The following DSG2 variants were observed in gnomAD, a reference collection of about 807,000 sequenced individuals.
DSG2 encodes the protein desmoglein-2.
In DSG2, 45 loss-of-function variants were observed where a neutral mutation model predicts 75.6. The observed-to-expected ratio is 0.60, with a 90% confidence interval of 0.47 to 0.76. DSG2 has a LOEUF of 0.76. DSG2 is among the 30% of genes least tolerant of loss of function. The probability of loss-of-function intolerance (pLI) is 0.00; values close to 1 mark genes in which losing one functional copy is unlikely to be tolerated. For missense variants in DSG2, 1,267 were observed against 1,357.4 expected (o/e 0.93, Z 1.05); for synonymous variants, 429 against 483.9 (o/e 0.89, Z 1.49).
At chr18:31,544,417 G>A (rs185262789) in intron 14 of DSG2, among the ~76,000 whole-genome samples, 1 of 152,152 alleles carries the variant, frequency 6.6e-6, no homozygotes. Flanking sequence ...AATTTGTGGG[G>A]TACTACTAAA....
At chr18:31,525,768 T>C (rs2073159427) in intron 8 of DSG2, among the ~76,000 whole-genome samples, 1 of 152,158 alleles carries the variant, frequency 6.6e-6, no homozygotes, top group Admixed American at 6.5e-5. Flanking sequence ...GGAAATACAG[T>C]ATACTAAGTT....
chr18:31,525,134 C>T (rs2073156046), intron 8 of DSG2, among the ~76,000 whole-genome samples: 1 of 152,192 alleles, frequency 6.6e-6, no homozygotes, highest in African/African-American at 2.4e-5. Flanking sequence ...ATCATTACTG[C>T]TTAGCTCATT....
chr18:31,538,843 G>A lies in DSG2; in HGVS notation c.1744G>A (p.Glu582Lys), dbSNP rs745614134. The A allele has an allele frequency of 3.1e-6, 5 of 1,614,098 alleles. No homozygotes were observed. The Admixed American group carries it at 8.3e-5, about 27-fold the overall frequency. Residue 582 changes from glutamate (E) to lysine (K), a missense_variant, in exon 12 of 15, where the codon GAA becomes AAA. Coordinates refer to ENST00000261590, the MANE Select transcript of DSG2 (RefSeq NM_001943.5). ...ISDNQGFSCP[E>K]KQVLTLTVCE... ...AGACAATCAGGGTTTTAGTTGTCCT[G>A]AAAAGCAGGTCCTTACACTCACAGT...
At chr18:31,503,115 A>C (rs1469305723) in intron 1 of DSG2, among the ~76,000 whole-genome samples, 1 of 152,206 alleles carries the variant, frequency 6.6e-6, no homozygotes, top group African/African-American at 2.4e-5. Flanking sequence ...ACCCCTATTT[A>C]GTGAATCCCT....
At chr18:31,537,347 C>T (rs1243293496) in intron 11 of DSG2, among the ~76,000 whole-genome samples, 2 of 152,168 alleles carry the variant, frequency 1.3e-5, no homozygotes, top group South Asian at 2.1e-4. Flanking sequence ...CAGCCAGGTG[C>T]GGTGGCTCAC....
At chr18:31,519,596 C>T (rs1436405188) in intron 2 of DSG2, among the ~76,000 whole-genome samples, 1 of 152,058 alleles carries the variant, frequency 6.6e-6, no homozygotes, top group African/African-American at 2.4e-5. Flanking sequence ...AAACCCTACA[C>T]TTTTACTAGC....
chr18:31,503,481 T>C (rs922887009), intron 1 of DSG2, among the ~76,000 whole-genome samples: 1 of 152,032 alleles, frequency 6.6e-6, no homozygotes, highest in African/African-American at 2.4e-5. Flanking sequence ...ACTTAGAAAG[T>C]GAGGCAGAAG....
intron 1 of DSG2, among the ~76,000 whole-genome samples, chr18:31,501,626 A>G (rs1011992072): frequency 6.6e-6 from 1 of 152,084 alleles, no homozygotes; most frequent in Non-Finnish European, 1.5e-5. Flanking sequence ...CCAATCCTCC[A>G]TCTGCGCATG....
intron 8 of DSG2, among the ~76,000 whole-genome samples, chr18:31,528,344 A>G (rs187535430): frequency 1.7e-3 from 260 of 152,372 alleles, no homozygotes; most frequent in Admixed American, 3.9e-3. Flanking sequence ...GTGTATTCAT[A>G]TGATGGAATA....
intron 1 of DSG2, among the ~76,000 whole-genome samples, chr18:31,507,345 G>A (rs2073044246): frequency 6.6e-6 from 1 of 152,104 alleles, no homozygotes. Context: ...CATTTGGGTT[G>A]GTTCCAAGTT....
chr18:31,512,180 C>G (rs1395293205), intron 1 of DSG2, among the ~76,000 whole-genome samples: 2 of 152,096 alleles, frequency 1.3e-5, no homozygotes, highest in African/African-American at 4.8e-5. Context: ...ACCCCTCCCT[C>G]AACACCACCC....
chr18:31,542,890 G>T, intron 14 of DSG2, 38 bp downstream of exon 14: 5 of 1,024,658 alleles, frequency 4.9e-6, no homozygotes, highest in East Asian at 3.7e-5. Context: ...TGGGGGGTGG[G>T]GGGAACATTT....
chr18:31,533,241 G>C (rs1161763628), intron 9 of DSG2, among the ~76,000 whole-genome samples: 1 of 152,176 alleles, frequency 6.6e-6, no homozygotes, highest in African/African-American at 2.4e-5. Flanking sequence ...ATCCGAGGCA[G>C]GAGGATCACT....
At chr18:31,512,910 C>T (rs2073074850) in intron 1 of DSG2, among the ~76,000 whole-genome samples, 1 of 152,172 alleles carries the variant, frequency 6.6e-6, no homozygotes, top group African/African-American at 2.4e-5. Context: ...ACATATCCTA[C>T]AAGCTCAGGA....
chr18:31,538,747 G>A lies in DSG2; in HGVS notation c.1652-4G>A. 2.5e-6 allele frequency: 4 copies of A among 1,613,654 alleles called. No individual in the cohort carries two copies. Among genetic ancestry groups the A allele is most frequent in the Non-Finnish European group, 3.4e-6 (4 of 1,179,536 alleles). On this transcript the variant is annotated splice_region_variant and splice_polypyrimidine_tract_variant and intron_variant, in intron 11 of 14. Coordinates refer to ENST00000261590, the MANE Select transcript of DSG2 (RefSeq NM_001943.5). ...TTATTTCCTTCTGCCTCCCAACCTTGTAGGTACCAGTGTGCTGCTGCAACA... is the reference window on the plus strand; with the variant it reads ...TTATTTCCTTCTGCCTCCCAACCTTATAGGTACCAGTGTGCTGCTGCAACA...
At chr18:31,523,493 A>C (rs972930502) in intron 6 of DSG2, among the ~76,000 whole-genome samples, 1 of 152,228 alleles carries the variant, frequency 6.6e-6, no homozygotes, top group Admixed American at 6.5e-5. Flanking sequence ...ATTAAAGAAT[A>C]TGATTACACC....
intron 1 of DSG2, among the ~76,000 whole-genome samples, chr18:31,507,708 G>A (rs996732438): frequency 1.3e-5 from 2 of 152,092 alleles, no homozygotes; most frequent in African/African-American, 4.8e-5. Flanking sequence ...ATGTTTGTTG[G>A]CTGCATAAAT....
At chr18:31,505,412 A>G (rs2073033729) in intron 1 of DSG2, among the ~76,000 whole-genome samples, 2 of 152,194 alleles carry the variant, frequency 1.3e-5, no homozygotes, top group South Asian at 2.1e-4. Context: ...GCCGTCAGTT[A>G]TACAATTAAG....
intron 13 of DSG2, 37 bp downstream of exon 13, chr18:31,541,351 C>G: frequency 6.2e-7 from 1 of 1,612,116 alleles, no homozygotes; most frequent in South Asian, 1.1e-5. Context: ...TTGTCTTCTT[C>G]TTGGGTTTTA....
Sources: allele counts gnomAD v4.1 joint callset (sites outside exome capture counted in the v4.1 genomes callset), GRCh38; gene constraint gnomAD v4.1.1; transcripts MANE v1.5; gene names NCBI Gene and HGNC (gene_info 2026-07-23, HGNC 2026-07-21).